Variants in UHRF1 observed in about 807,000 individuals in gnomAD.
UHRF1 encodes the protein ubiquitin like with PHD and ring finger domains 1, also known as E3 ubiquitin-protein ligase UHRF1.
Under a neutral mutation model 96.5 loss-of-function variants are expected in UHRF1, and 9 were observed. The ratio of observed to expected loss-of-function variants is 0.09; its 90% CI spans 0.06 to 0.16. The LOEUF is 0.16. UHRF1 is among the 10% of genes least tolerant of loss of function. The pLI is 1.00. For synonymous variants in UHRF1, 455 were observed against 469.9 expected (o/e 0.97, Z 0.41); for missense variants, 626 against 1,131.1 (o/e 0.55, Z 6.40).
chr19:4,959,159 G>A (rs980507503), intron 16 of UHRF1, among the ~76,000 whole-genome samples: 9 of 151,830 alleles, frequency 5.9e-5, no homozygotes, highest in African/African-American at 2.2e-4. Flanking sequence ...ATGAAACCCT[G>A]TCTCTACTAA....
chr19:4,946,242 G>A (rs2033561502), intron 10 of UHRF1, among the ~76,000 whole-genome samples: 2 of 147,944 alleles, frequency 1.4e-5, no homozygotes, highest in South Asian at 2.2e-4. Flanking sequence ...TGACTCTGAC[G>A]ACTCTGGAGA....
intron 1 of UHRF1, 47 bp from the exon 2 acceptor site, chr19:4,910,829 G>C: frequency 1.3e-6 from 2 of 1,558,286 alleles, no homozygotes; most frequent in Non-Finnish European, 1.7e-6. Flanking sequence ...GCATGGCTCA[G>C]AGGTGCTGGT....
At chr19:4,912,535 T>G (rs989278543) in intron 2 of UHRF1, among the ~76,000 whole-genome samples, 2 of 152,130 alleles carry the variant, frequency 1.3e-5, no homozygotes, top group Admixed American at 6.6e-5. Context: ...CATGCAGGAA[T>G]GGGAAAACAC....
chr19:4,938,729 G>GTT (rs1568421911), intron 5 of UHRF1, among the ~76,000 whole-genome samples: 5 of 73,940 alleles, frequency 6.8e-5, no homozygotes, highest in African/African-American at 2.9e-4. Flanking sequence ...GTTTTGGTCA[G>GTT]GTTTTTTTTT....
intron 13 of UHRF1, among the ~76,000 whole-genome samples, chr19:4,951,740 G>A (rs2033723099): frequency 6.6e-6 from 1 of 151,412 alleles, no homozygotes; most frequent in Non-Finnish European, 1.5e-5. Context: ...CCAAATTGGT[G>A]GATTCCAGAG....
upstream of UHRF1, among the ~76,000 whole-genome samples, chr19:4,905,437 A>G (rs1034613891): frequency 3.3e-5 from 5 of 151,286 alleles, no homozygotes; most frequent in Non-Finnish European, 1.5e-5. Flanking sequence ...GTAGTTTCTT[A>G]AAACATTATG....
chr19:4,959,635 T>G (rs1245565698), intron 16 of UHRF1, among the ~76,000 whole-genome samples: 1 of 152,240 alleles, frequency 6.6e-6, no homozygotes, highest in Admixed American at 6.5e-5. Context: ...AGCTTGAAGT[T>G]AGGAATCTGA....
chr19:4,914,302 G>T (rs1321224185), intron 2 of UHRF1, among the ~76,000 whole-genome samples: 8 of 152,262 alleles, frequency 5.3e-5, no homozygotes, highest in Admixed American at 5.2e-4. Flanking sequence ...CGTGAAGTCT[G>T]CAGGCACCCA....
At chr19:4,956,651 G>T in intron 15 of UHRF1, 58 bp from the exon 16 acceptor site, 6 of 1,098,840 alleles carry the variant, frequency 5.5e-6, no homozygotes, top group Non-Finnish European at 8.2e-6. Context: ...GGAAGCCACT[G>T]ATCTGTGGGA....
chr19:4,914,950 A>G (rs1344027046), intron 2 of UHRF1, among the ~76,000 whole-genome samples: 1 of 152,132 alleles, frequency 6.6e-6, no homozygotes, highest in Non-Finnish European at 1.5e-5. Context: ...TGCACTGTGG[A>G]TGTTTGGGGC....
rs1439803444 is a variant in UHRF1, at chr19:4,930,492, G to T, written c.409-224G>T. Among the ~76,000 whole-genome samples, 1 of 152,242 alleles carries T rather than the reference G, an allele frequency of 6.6e-6. No homozygotes were observed. Among genetic ancestry groups the T allele is most frequent in the Non-Finnish European group, 1.5e-5 (1 of 68,046 alleles). ...CTGTGGCTGAAGCAGAGCCGCAGGG[G>T]CCTTTGTTAAGACAGTCCATGCCCC... On this transcript the variant is annotated intron_variant, in intron 3 of 16. Coordinates refer to ENST00000650932, the MANE Select transcript of UHRF1 (RefSeq NM_001048201.3). The surrounding 1 kb of genome is among the most constrained non-coding windows in gnomAD (Gnocchi z 4.4).
intron 1 of UHRF1, chr19:4,910,274 G>A (rs942667231): frequency 4.7e-5 from 7 of 149,978 alleles, no homozygotes; most frequent in African/African-American, 1.7e-4. Context: ...CGCGCTCGCG[G>A]GTGGCCGGGA....
intron 15 of UHRF1, among the ~76,000 whole-genome samples, 188 bp downstream of exon 15, chr19:4,955,010 G>A (rs1039528126): frequency 1.3e-5 from 2 of 151,946 alleles, no homozygotes; most frequent in African/African-American, 4.8e-5. Context: ...CTGAAACCCT[G>A]GCCCTGAAAC....
At position 4,950,839 on chromosome 19, in the gene UHRF1, C is replaced by G. The variant is rs144760109; in HGVS notation, c.1681-20C>G. The G allele has an allele frequency of 1.2e-6, 2 of 1,614,004 alleles. No individual in the cohort carries two copies. The highest frequency in any genetic ancestry group is 1.7e-6 in the Non-Finnish European group (2 of 1,179,906). Reference sequence around the variant, plus strand: ...GGGGCTGCCTCTGATGGAGCTGACGCTGATGCCCGCTCTCTGCAGGTTGTG... The same window carrying G: ...GGGGCTGCCTCTGATGGAGCTGACGGTGATGCCCGCTCTCTGCAGGTTGTG... On this transcript the variant is annotated intron_variant, in intron 12 of 16. Transcript: ENST00000650932.
At chr19:4,955,696 C>T (rs938228543) in intron 15 of UHRF1, among the ~76,000 whole-genome samples, 3 of 152,042 alleles carry the variant, frequency 2.0e-5, no homozygotes, top group Non-Finnish European at 4.4e-5. Context: ...TCTCTTTGGT[C>T]CCCGCACTTA....
intron 15 of UHRF1, among the ~76,000 whole-genome samples, chr19:4,955,447 C>T (rs17884736): frequency 0.017 from 2,542 of 152,210 alleles, 79 homozygotes; most frequent in African/African-American, 0.057. Flanking sequence ...TCAGGCCCCC[C>T]GCCTCACCCA....
At chr19:4,925,350 G>A (rs1001083714) in intron 2 of UHRF1, among the ~76,000 whole-genome samples, 2 of 152,024 alleles carry the variant, frequency 1.3e-5, no homozygotes, top group African/African-American at 4.8e-5. Context: ...TGCCTCTGTG[G>A]CTTGGCCTGT....
chr19:4,960,098 C>T (rs1384913170), intron 16 of UHRF1, among the ~76,000 whole-genome samples: 2 of 152,060 alleles, frequency 1.3e-5, no homozygotes, highest in East Asian at 1.9e-4. Context: ...AGTGATCTGC[C>T]CCCCTCGGCC....
Position 4,932,850 on chromosome 19 carries a change from T to TACAACCCCG in UHRF1, c.688_696dup (p.Asp230_Pro232dup). Reference sequence around the variant, plus strand: ...GGTGGGCCAGGTGGTCATGCTCAACTACAACCCCGACAACCCCAAGGAGCG... The same window carrying TACAACCCCG: ...GGTGGGCCAGGTGGTCATGCTCAACTACAACCCCGACAACCCCGACAACCCCAAGGAGCG... On this transcript the variant is annotated inframe_insertion, in exon 5 of 17. Coordinates refer to ENST00000650932, the MANE Select transcript of UHRF1 (RefSeq NM_001048201.3). 1.2e-6 allele frequency: 2 copies of TACAACCCCG among 1,613,828 alleles called. No homozygotes were observed. The highest frequency in any genetic ancestry group is 1.7e-6 in the Non-Finnish European group (2 of 1,179,894).
Sources: gnomAD v4.1 joint callset for allele counts (sites outside exome capture counted in the v4.1 genomes callset) on GRCh38, gnomAD v4.1.1 for gene constraint, Gnocchi (gnomAD v3.1) non-coding constraint, MANE v1.5 for transcripts, NCBI Gene and HGNC (gene_info 2026-07-23, HGNC 2026-07-21) for gene names.